PTPRR: variants seen among roughly 807,000 people sequenced by gnomAD.
PTPRR encodes the protein receptor-type tyrosine-protein phosphatase R.
Under a neutral mutation model 77.2 loss-of-function variants are expected in PTPRR, and 38 were observed. The observed-to-expected ratio is 0.49, with a 90% CI of 0.38 to 0.65. The LOEUF is 0.65. PTPRR is among the 30% of genes least tolerant of loss of function. PTPRR has a pLI of 0.00. For missense variants in PTPRR, 744 were observed against 799.2 expected (o/e 0.93, Z 0.83); for synonymous variants, 299 against 283.1 (o/e 1.06, Z -0.57).
At chr12:70,775,889 T>G (rs1348172263) in intron 2 of PTPRR, among the ~76,000 whole-genome samples, 3 of 152,144 alleles carry the variant, frequency 2.0e-5, no homozygotes, top group Non-Finnish European at 2.9e-5. Context: ...TGTTTATGCC[T>G]TTGAACTGAG....
At position 70,765,763 on chromosome 12, in the gene PTPRR, C is replaced by A. The variant is rs189662385; in HGVS notation, c.358-985G>T. ...AGCAGGCTAACTGGGAGGCACCCCC[C>A]CAGAAGGGGCAGACTGACACCTCAC... On this transcript the variant is annotated intron_variant, in intron 2 of 13. Coordinates refer to ENST00000283228, the MANE Select transcript of PTPRR (RefSeq NM_002849.4). Among the ~76,000 whole-genome samples the A allele has an allele frequency of 1.7e-3, 263 of 152,310 alleles. 2 individuals are homozygous for A. Among genetic ancestry groups the A allele is most frequent in the Non-Finnish European group, 2.2e-3 (152 of 68,030 alleles).
chr12:70,883,373 A>G lies in PTPRR; in HGVS notation c.357+9306T>C, dbSNP rs368982559. Among the ~76,000 whole-genome samples the G allele has an allele frequency of 1.8e-4, 28 of 152,334 alleles. No individual in the cohort carries two copies. The South Asian group carries it at 4.8e-3, about 26-fold the overall frequency. ...ATTATGCTATGGCTATTTTTGAATT[A>G]CTTCCAATGTTTTCCCCAGTCTTAC... On this transcript the variant is annotated intron_variant, in intron 2 of 13. Transcript: ENST00000283228.
At chr12:70,648,416 T>A (rs1886278012) in intron 13 of PTPRR, among the ~76,000 whole-genome samples, 1 of 152,168 alleles carries the variant, frequency 6.6e-6, no homozygotes, top group Non-Finnish European at 1.5e-5. Context: ...TGGAAAAGCA[T>A]CTTGTTAGAG....
chr12:70,920,613 G>C lies in PTPRR; in HGVS notation c.-223C>G, dbSNP rs1893843046. On this transcript the variant is annotated 5_prime_UTR_variant, in exon 1 of 14. Transcript: ENST00000283228. Reference sequence around the variant, plus strand: ...GAGCAGTAGGAGGTTGCGGGTAAGGGGAACAGAAGCGCTCAGAGGCGGCAA... The same window carrying C: ...GAGCAGTAGGAGGTTGCGGGTAAGGCGAACAGAAGCGCTCAGAGGCGGCAA... 2.0e-6 allele frequency: 1 copy of C among 491,962 alleles called. No individual in the cohort carries two copies. Among genetic ancestry groups the C allele is most frequent in the East Asian group, 3.6e-5 (1 of 28,150 alleles). 30.5% of individuals were successfully genotyped at this position (491,962 alleles called of 1,614,324 possible).
chr12:70,819,941 A>G (rs1408056610), intron 2 of PTPRR, among the ~76,000 whole-genome samples: 24 of 152,218 alleles, frequency 1.6e-4, no homozygotes, highest in Non-Finnish European at 7.3e-5. Context: ...ATTTTATGAA[A>G]TGTGAGAAAA....
chr12:70,661,152 T>G (rs1433871493), intron 11 of PTPRR, 55 bp from the exon 12 acceptor site: 1 of 1,562,644 alleles, frequency 6.4e-7, no homozygotes, highest in African/African-American at 1.4e-5. Flanking sequence ...CTAAAAGTCA[T>G]CCAAACCACA....
At chr12:70,778,851 T>C (rs548903781) in intron 2 of PTPRR, among the ~76,000 whole-genome samples, 1 of 152,308 alleles carries the variant, frequency 6.6e-6, no homozygotes, top group African/African-American at 2.4e-5. Flanking sequence ...TTTTTGTTTT[T>C]GTTTGTTTTT....
chr12:70,819,692 A>G (rs549779532), intron 2 of PTPRR, among the ~76,000 whole-genome samples: 95 of 152,186 alleles, frequency 6.2e-4, no homozygotes, highest in Non-Finnish European at 1.2e-3. Context: ...CATAGAATGG[A>G]AGAATTGGGT....
intron 13 of PTPRR, chr12:70,639,732 G>C (rs2136632877): frequency 6.5e-6 from 1 of 153,596 alleles, no homozygotes; most frequent in Admixed American, 6.5e-5. Flanking sequence ...ATTCATTGTA[G>C]CTGGTATATT....
At chr12:70,719,139 T>G (rs7299472) in intron 6 of PTPRR, among the ~76,000 whole-genome samples, 6,556 of 152,250 alleles carry the variant, frequency 0.043, 509 homozygotes, top group African/African-American at 0.15. Context: ...CGGAAATCAT[T>G]TTTGACAAGA....
chr12:70,655,319 C>G (rs894171963), intron 13 of PTPRR, among the ~76,000 whole-genome samples: 1 of 152,160 alleles, frequency 6.6e-6, no homozygotes, highest in Non-Finnish European at 1.5e-5. Context: ...GCAGCCACTG[C>G]AGAAAATACT....
chr12:70,855,767 C>T (rs1031981332), intron 2 of PTPRR, among the ~76,000 whole-genome samples: 12 of 152,088 alleles, frequency 7.9e-5, no homozygotes, highest in African/African-American at 2.7e-4. Flanking sequence ...AAAAGTTATT[C>T]GTTTTTAAGG....
chr12:70,721,189 CAGTTAGAAATA>C (rs1166820514), intron 6 of PTPRR, among the ~76,000 whole-genome samples: 1 of 152,182 alleles, frequency 6.6e-6, no homozygotes, highest in African/African-American at 2.4e-5. Context: ...TAAAGTTCTC[CAGTTAGAAATA>C]GGTTAGAAAT....
chr12:70,772,522 A>G (rs188446770), intron 2 of PTPRR, among the ~76,000 whole-genome samples: 100 of 152,332 alleles, frequency 6.6e-4, no homozygotes, highest in Admixed American at 4.3e-3. Flanking sequence ...TAAATGCTCA[A>G]TGCTATAGGA....
chr12:70,835,048 T>G (rs894723015), intron 2 of PTPRR, among the ~76,000 whole-genome samples: 1 of 152,120 alleles, frequency 6.6e-6, no homozygotes, highest in African/African-American at 2.4e-5. Flanking sequence ...GGACTTTCTC[T>G]TCTGTAAAAT....
chr12:70,776,685 G>A (rs1891095920), intron 2 of PTPRR, among the ~76,000 whole-genome samples: 1 of 151,758 alleles, frequency 6.6e-6, no homozygotes, highest in African/African-American at 2.4e-5. Context: ...CTTCTCCTTG[G>A]AGACTCAGCC....
chr12:70,904,876 G>A (rs927250359), intron 1 of PTPRR, among the ~76,000 whole-genome samples: 1 of 151,570 alleles, frequency 6.6e-6, no homozygotes, highest in East Asian at 1.9e-4. Context: ...CAAAATAAGT[G>A]GAAAAATCAA....
intron 5 of PTPRR, among the ~76,000 whole-genome samples, chr12:70,749,006 G>T (rs1890301189): frequency 6.6e-6 from 1 of 152,166 alleles, no homozygotes. Flanking sequence ...ATAGAGGTGT[G>T]CCCACAGCAC....
chr12:70,739,855 G>A (rs995089547), intron 6 of PTPRR, among the ~76,000 whole-genome samples: 77 of 152,088 alleles, frequency 5.1e-4, no homozygotes, highest in African/African-American at 1.8e-3. Context: ...AAACAGAAAT[G>A]CAAATGTGGA....
Sources: gnomAD v4.1 joint callset for allele counts (sites outside exome capture counted in the v4.1 genomes callset) on GRCh38, gnomAD v4.1.1 for gene constraint, MANE v1.5 for transcripts, NCBI Gene and HGNC (gene_info 2026-07-23, HGNC 2026-07-21) for gene names.